IL10RB: variants seen among roughly 807,000 people sequenced by gnomAD.
IL10RB encodes the protein interleukin-10 receptor subunit beta.
In IL10RB, 30 loss-of-function variants were observed where a neutral mutation model predicts 38.7. The observed-to-expected ratio is 0.78, with a 90% CI of 0.58 to 1.05. The LOEUF (loss-of-function observed/expected upper bound fraction) is 1.05. Ranked by LOEUF, IL10RB falls within the 50% of genes least tolerant of loss-of-function variation. The pLI is 0.00. For missense variants in IL10RB, 328 were observed against 397.1 expected (o/e 0.83, Z 1.48); for synonymous variants, 142 against 145.9 (o/e 0.97, Z 0.19).
chr21:33,275,399 G>A (rs891943854), intron 2 of IL10RB, among the ~76,000 whole-genome samples: 7 of 151,930 alleles, frequency 4.6e-5, no homozygotes, highest in South Asian at 4.2e-4. Context: ...CTGATGATCC[G>A]CCCACCTCAG....
downstream of IL10RB, among the ~76,000 whole-genome samples, chr21:33,300,729 C>A (rs992018357): frequency 2.6e-5 from 4 of 151,348 alleles, no homozygotes; most frequent in Admixed American, 6.6e-5. Context: ...ATCTCTTCCA[C>A]CATGTGAGGA....
chr21:33,308,276 C>A lies in IL10RB; in HGVS notation c.130-700C>A, dbSNP rs151039295. ...TTCTTCATTCTGGAAAACACGATGC[C>A]AACATATCAGAATAAAGGACAGATA... On this transcript the variant is annotated intron_variant, in intron 1 of 1. Transcript: ENST00000609556. The A allele has an allele frequency of 2.6e-5, 4 of 152,206 alleles. 1 individual carries two copies. The highest frequency in any genetic ancestry group is 7.2e-5 in the African/African-American group (3 of 41,518). 9.4% of individuals were successfully genotyped at this position (152,206 alleles called of 1,614,324 possible).
intron 6 of IL10RB, among the ~76,000 whole-genome samples, chr21:33,289,378 C>A (rs1989439897): frequency 6.6e-6 from 1 of 152,164 alleles, no homozygotes; most frequent in African/African-American, 2.4e-5. Context: ...GCACTCCAGC[C>A]CCCACCGCTG....
chr21:33,270,967 A>G (rs1181361192), intron 2 of IL10RB, among the ~76,000 whole-genome samples: 1 of 151,976 alleles, frequency 6.6e-6, no homozygotes, highest in East Asian at 1.9e-4. Flanking sequence ...GAGCTACCAC[A>G]CCCAGCCCAT....
chr21:33,302,249 C>T (rs980255582), intron 1 of IL10RB, among the ~76,000 whole-genome samples: 1 of 152,246 alleles, frequency 6.6e-6, no homozygotes, highest in Non-Finnish European at 1.5e-5. Context: ...GGACTTTCAG[C>T]GATTCCCTGC....
intron 6 of IL10RB, among the ~76,000 whole-genome samples, chr21:33,291,834 C>T (rs555939366): frequency 2.6e-5 from 4 of 152,282 alleles, no homozygotes; most frequent in South Asian, 2.1e-4. Context: ...TGATCTCTGT[C>T]GCAGGCAGGT....
Position 33,295,695 on chromosome 21 carries a change from C to T in IL10RB, c.805-489C>T, listed in dbSNP as rs201630515. Reference sequence around the variant, plus strand: ...TCAAAAAAAAAAAAAAAAAAATCTTCGTTTGTATAGCAGTGAGTATCCCCA... The same window carrying T: ...TCAAAAAAAAAAAAAAAAAAATCTTTGTTTGTATAGCAGTGAGTATCCCCA... On this transcript the variant is annotated intron_variant, in intron 6 of 6. Transcript: ENST00000290200. Among the ~76,000 whole-genome samples, 113 of 142,266 alleles carry T rather than the reference C, an allele frequency of 7.9e-4. No individual in the cohort carries two copies. The East Asian group carries it at 0.02, about 25-fold the overall frequency. 93.3% of individuals were successfully genotyped at this position (142,266 alleles called of 152,430 possible). A position where few individuals can be genotyped will look rare whatever the true frequency, so the allele number is the denominator to read the frequency against.
rs1210320021 is a variant in IL10RB, at chr21:33,283,221, G to A, written c.626G>A (p.Cys209Tyr). ...NKAGEWSEPVCEQTTHDETVP... is the reference protein window; with the variant it reads ...NKAGEWSEPVYEQTTHDETVP... ...GCTGGGGAATGGAGTGAGCCTGTCT[G>A]TGAGCAAACAACCCATGACGGTAAG... Residue 209 changes from cysteine to tyrosine, a missense_variant, in exon 5 of 7, where the codon TGT becomes TAT. Physicochemically the swap from Cys to Tyr is radical, Grantham distance 194. Coordinates refer to ENST00000290200, the MANE Select transcript of IL10RB (RefSeq NM_000628.5). 6.2e-7 allele frequency: 1 copy of A among 1,614,026 alleles called. No individual in the cohort carries two copies. Among genetic ancestry groups the A allele is most frequent in the Admixed American group, 1.7e-5 (1 of 60,022 alleles).
intron 4 of IL10RB, among the ~76,000 whole-genome samples, chr21:33,282,547 T>C (rs948927825): frequency 6.6e-6 from 1 of 151,852 alleles, no homozygotes; most frequent in Non-Finnish European, 1.5e-5. Context: ...AAAAAAATAA[T>C]AATTAAAAGA....
chr21:33,300,742 C>G (rs1345900729), downstream of IL10RB, among the ~76,000 whole-genome samples: 1 of 152,154 alleles, frequency 6.6e-6, no homozygotes, highest in African/African-American at 2.4e-5. Context: ...TGTGAGGACA[C>G]AGAGAAGGTG....
intron 5 of IL10RB, among the ~76,000 whole-genome samples, chr21:33,286,953 AGGGGATG>A (rs2043610303): frequency 6.6e-6 from 1 of 152,110 alleles, no homozygotes; most frequent in Admixed American, 6.5e-5. Flanking sequence ...AAATCAGCTA[AGGGGATG>A]GGTCAGTGCC....
At chr21:33,308,676 T>C (rs1362730613) in intron 1 of IL10RB, 2 of 152,208 alleles carry the variant, frequency 1.3e-5, no homozygotes, top group African/African-American at 4.8e-5. Context: ...TCATCTAAGC[T>C]ACGGGTAAGA....
At chr21:33,295,636 C>T (rs2082962135) in intron 6 of IL10RB, among the ~76,000 whole-genome samples, 1 of 142,380 alleles carries the variant, frequency 7.0e-6, no homozygotes, top group Admixed American at 7.4e-5. Flanking sequence ...TGTGCCACTG[C>T]ACTCCAGCCC....
intron 6 of IL10RB, among the ~76,000 whole-genome samples, chr21:33,291,272 CT>C (rs35602574): frequency 2.7e-5 from 4 of 149,124 alleles, no homozygotes; most frequent in East Asian, 2.0e-4. Context: ...ATATGAATTT[CT>C]TTTTTTTTTG....
Position 33,296,411 on chromosome 21 carries a change from T to C in IL10RB, c.*54T>C, listed in dbSNP as rs139413536. The C allele has an allele frequency of 2.6e-6, 4 of 1,550,036 alleles. No individual in the cohort carries two copies. The highest frequency in any genetic ancestry group is 1.4e-5 in the African/African-American group (1 of 73,848). On this transcript the variant is annotated 3_prime_UTR_variant, in exon 7 of 7. Coordinates refer to ENST00000290200, the MANE Select transcript of IL10RB (RefSeq NM_000628.5). ...GCACAGTGACGTACTCCATCTCACA[T>C]CTGCCTCAGTGAGGGATCAGGGCAG...
At chr21:33,266,559 C>T in intron 1 of IL10RB, 45 bp downstream of exon 1, 1 of 1,525,296 alleles carries the variant, frequency 6.6e-7, no homozygotes, top group Non-Finnish European at 8.8e-7. Flanking sequence ...ACCGGGAGGC[C>T]CCGCGAGATG....
At chr21:33,271,422 C>T (rs377510879) in intron 2 of IL10RB, among the ~76,000 whole-genome samples, 3 of 152,158 alleles carry the variant, frequency 2.0e-5, no homozygotes, top group African/African-American at 7.2e-5. Context: ...AGTATTTGTA[C>T]ATGCAATAAA....
At chr21:33,287,626 C>G (rs1329229692) in intron 5 of IL10RB, among the ~76,000 whole-genome samples, 1 of 151,960 alleles carries the variant, frequency 6.6e-6, no homozygotes, top group African/African-American at 2.4e-5. Context: ...CTCGGCCTCC[C>G]AAAGTGCTGG....
At chr21:33,272,030 C>T (rs555535201) in intron 2 of IL10RB, among the ~76,000 whole-genome samples, 1 of 152,142 alleles carries the variant, frequency 6.6e-6, no homozygotes, top group Admixed American at 6.5e-5. Flanking sequence ...TGTGAGAAAA[C>T]CCCCTTAATG....
Sources: allele counts gnomAD v4.1 joint callset (sites outside exome capture counted in the v4.1 genomes callset), GRCh38; gene constraint gnomAD v4.1.1; transcripts MANE v1.5; gene names NCBI Gene and HGNC (gene_info 2026-07-23, HGNC 2026-07-21).